CLASRP: variants seen among roughly 807,000 people sequenced by gnomAD.
The protein encoded by CLASRP is CLK4 associating serine/arginine rich protein, also known as CLK4-associating serine/arginine rich protein.
Under a neutral mutation model 99.9 loss-of-function variants are expected in CLASRP, and 52 were observed. That is an observed-to-expected ratio of 0.52 (90% confidence interval 0.42 to 0.66). The LOEUF is 0.66. CLASRP is among the 30% of genes least tolerant of loss of function. The pLI is 0.00. For synonymous variants in CLASRP, 379 were observed against 373.0 expected (o/e 1.02, Z -0.18); for missense variants, 848 against 999.2 (o/e 0.85, Z 2.04).
intron 7 of CLASRP, 54 bp downstream of exon 7, chr19:45,057,952 G>A (rs1473490057): frequency 1.0e-5 from 16 of 1,607,408 alleles, no homozygotes; most frequent in East Asian, 2.2e-5. Context: ...TCGTTTCTGT[G>A]TCTCGTCCCT....
At chr19:45,051,572 T>C (rs1005338697) in intron 2 of CLASRP, among the ~76,000 whole-genome samples, 9 of 152,072 alleles carry the variant, frequency 5.9e-5, no homozygotes, top group African/African-American at 2.2e-4. Flanking sequence ...TCCCAAAGTG[T>C]TGAGATTACA....
chr19:45,067,942 T>C lies in CLASRP; in HGVS notation c.1668-73T>C. 8.7e-7 allele frequency: 1 copy of C among 1,149,968 alleles called. No individual in the cohort carries two copies. Among genetic ancestry groups the C allele is most frequent in the East Asian group, 2.3e-5 (1 of 42,770 alleles). 71.2% of individuals were successfully genotyped at this position (1,149,968 alleles called of 1,614,324 possible). On this transcript the variant is annotated intron_variant, in intron 14 of 20. Transcript: ENST00000221455. This position sits in a 1 kb window ranked among gnomAD's most constrained non-coding sequence, Gnocchi z 4.9. ...TGGCTACCTGGTCTGAGGGCAGTGC[T>C]GAGGCTGGGGTCAGAGGTGGCAGCT... is the stretch of plus-strand genomic sequence containing the variant.
In CLASRP at chr19:45,046,209, A is replaced by G. The variant is rs576907921; in HGVS notation, c.100-5862A>G. On this transcript the variant is annotated intron_variant, in intron 2 of 20. Coordinates refer to ENST00000221455, the MANE Select transcript of CLASRP (RefSeq NM_007056.3). ...GAGCAGAGGCTGTGGAGCGAGTGTC[A>G]GTGAAGCTGCGGTAGATTGTGGCAG... is the stretch of plus-strand genomic sequence containing the variant. Among the ~76,000 whole-genome samples, 111 of 152,252 alleles carry G rather than the reference A, an allele frequency of 7.3e-4. 1 individual carries two copies. The highest frequency in any genetic ancestry group is 2.5e-3 in the East Asian group (13 of 5,178).
chr19:45,060,350 T>G lies in CLASRP; in HGVS notation c.711-39T>G. The G allele has an allele frequency of 6.3e-7, 1 of 1,583,988 alleles. No homozygotes were observed. The highest frequency in any genetic ancestry group is 8.7e-7 in the Non-Finnish European group (1 of 1,152,736). On this transcript the variant is annotated intron_variant, in intron 8 of 20. Transcript: ENST00000221455. This position sits in a 1 kb window ranked among gnomAD's most constrained non-coding sequence, Gnocchi z 4.6. ...TCTGTGTCCTCCTTACCCTGTGGCCTGCCCCATCCTCCACCCTAATTCTCA... is the reference window on the plus strand; with the variant it reads ...TCTGTGTCCTCCTTACCCTGTGGCCGGCCCCATCCTCCACCCTAATTCTCA...
At chr19:45,058,819 C>G (rs1353402702) in intron 7 of CLASRP, among the ~76,000 whole-genome samples, 1 of 152,018 alleles carries the variant, frequency 6.6e-6, no homozygotes, top group Non-Finnish European at 1.5e-5. Flanking sequence ...ACCGTGATCT[C>G]CAGCCGCCAT....
At position 45,070,510 on chromosome 19, in the gene CLASRP, G is replaced by A. The variant is rs200037779; in HGVS notation, c.1958-27G>A. 41 of 1,612,894 alleles carry A rather than the reference G, an allele frequency of 2.5e-5. No individual in the cohort carries two copies. In the Admixed American group the frequency reaches 3.0e-4, roughly 12 times the overall value. ...AGGCCCTGGCCCTGGATGTTTGCTC[G>A]CTCTTCACCTGTTGTTTTCTTTCCA... is the stretch of plus-strand genomic sequence containing the variant. On this transcript the variant is annotated intron_variant, in intron 19 of 20. Transcript: ENST00000221455.
Position 45,067,628 on chromosome 19 carries a change from C to A in CLASRP, c.1667+34C>A. 1.9e-6 allele frequency: 3 copies of A among 1,548,338 alleles called. No homozygotes were observed. The highest frequency in any genetic ancestry group is 1.8e-6 in the Non-Finnish European group (2 of 1,142,796). On this transcript the variant is annotated intron_variant, in intron 14 of 20. Coordinates refer to ENST00000221455, the MANE Select transcript of CLASRP (RefSeq NM_007056.3). This position sits in a 1 kb window ranked among gnomAD's most constrained non-coding sequence, Gnocchi z 4.9. ...GGCGGGTCTGGAGGAAGAGGGCTGC[C>A]AATCTCGGGTGGGGAGGGTGAACAT...
intron 2 of CLASRP, among the ~76,000 whole-genome samples, chr19:45,050,162 A>G (rs1971995664): frequency 8.5e-6 from 1 of 118,272 alleles, no homozygotes; most frequent in Non-Finnish European, 1.6e-5. Flanking sequence ...GAAATCAGAG[A>G]GGGACAGGCC....
chr19:45,068,720 C>T (rs1967156841), intron 16 of CLASRP, among the ~76,000 whole-genome samples: 1 of 150,580 alleles, frequency 6.6e-6, no homozygotes, highest in Non-Finnish European at 1.5e-5. Context: ...GGGCTCTTAG[C>T]GGGCACGGTG....
chr19:45,050,572 T>C (rs1265524063), intron 2 of CLASRP, among the ~76,000 whole-genome samples: 2 of 152,004 alleles, frequency 1.3e-5, no homozygotes, highest in Admixed American at 6.5e-5. Flanking sequence ...TAATCCCAGC[T>C]ACTCAGGAGG....
chr19:45,059,896 C>A (rs1028637665), intron 8 of CLASRP, among the ~76,000 whole-genome samples: 2 of 152,146 alleles, frequency 1.3e-5, no homozygotes, highest in African/African-American at 4.8e-5. Flanking sequence ...CTGGTCCTCT[C>A]AACCGCCACC....
At chr19:45,049,032 G>T (rs758715817) in intron 2 of CLASRP, among the ~76,000 whole-genome samples, 16 of 152,136 alleles carry the variant, frequency 1.1e-4, no homozygotes, top group Non-Finnish European at 2.1e-4. Context: ...TGGGACATTC[G>T]AGTGAGACAG....
intron 7 of CLASRP, 154 bp downstream of exon 7, chr19:45,058,052 A>C (rs1972155140): frequency 1.2e-6 from 1 of 865,230 alleles, no homozygotes. Flanking sequence ...CCCCTGTCTC[A>C]CTCCTGTCCT....
chr19:45,051,200 T>C (rs2122551945), intron 2 of CLASRP, among the ~76,000 whole-genome samples: 1 of 152,162 alleles, frequency 6.6e-6, no homozygotes, highest in South Asian at 2.1e-4. Flanking sequence ...GCCCGGAGGA[T>C]GGGAGGTGAA....
chr19:45,043,652 A>G (rs1289603690), intron 2 of CLASRP, among the ~76,000 whole-genome samples: 1 of 152,054 alleles, frequency 6.6e-6, no homozygotes, highest in Non-Finnish European at 1.5e-5. Context: ...TTGAATCCCC[A>G]CAGTCACCTG....
At position 45,068,307 on chromosome 19, in the gene CLASRP, G is replaced by A. The variant is rs566389492; in HGVS notation, c.1708-113G>A. ...ACAGCCTGCCCCTCCTCCCCACGTC[G>A]TTCTCCCCCCCCCACCCCCCCCCCG... On this transcript the variant is annotated intron_variant, in intron 15 of 20. Transcript: ENST00000221455. The A allele has an allele frequency of 1.8e-4, 121 of 663,034 alleles. No individual in the cohort carries two copies. The African/African-American group carries it at 2.0e-3, about 11-fold the overall frequency. 41.1% of individuals were successfully genotyped at this position (663,034 alleles called of 1,614,324 possible).
intron 15 of CLASRP, 29 bp downstream of exon 15, chr19:45,068,083 T>C: frequency 3.1e-6 from 5 of 1,610,810 alleles, no homozygotes; most frequent in Non-Finnish European, 4.2e-6. Flanking sequence ...CTCGCCCGTC[T>C]AATTCCCGTC....
rs186539009 is a variant in CLASRP, at chr19:45,052,330, G to A, written c.197+162G>A. On this transcript the variant is annotated intron_variant, in intron 3 of 20. Transcript: ENST00000221455. Reference sequence around the variant, plus strand: ...CATATGAAGGTGATAGTCACAGGGTGTAAGAACAATGAGCAGGGGTTGGGG... The same window carrying A: ...CATATGAAGGTGATAGTCACAGGGTATAAGAACAATGAGCAGGGGTTGGGG... 3.7e-3 allele frequency among the ~76,000 whole-genome samples: 563 copies of A among 152,272 alleles called. 2 individuals are homozygous for A. Among genetic ancestry groups the A allele is most frequent in the African/African-American group, 0.013 (535 of 41,536 alleles).
At chr19:45,043,837 G>A (rs1971862422) in intron 2 of CLASRP, among the ~76,000 whole-genome samples, 1 of 152,130 alleles carries the variant, frequency 6.6e-6, no homozygotes. Flanking sequence ...GGTCATAGTT[G>A]AGGCCCCAGA....
Sources: gnomAD v4.1 joint callset for allele counts (sites outside exome capture counted in the v4.1 genomes callset) on GRCh38, gnomAD v4.1.1 for gene constraint, Gnocchi (gnomAD v3.1) non-coding constraint, MANE v1.5 for transcripts, NCBI Gene and HGNC (gene_info 2026-07-23, HGNC 2026-07-21) for gene names.